TAFA5: variants seen among roughly 807,000 people sequenced by gnomAD.
The protein encoded by TAFA5 is TAFA chemokine like family member 5.
A neutral mutation model predicts 15.3 loss-of-function variants in TAFA5; 6 were observed. The ratio of observed to expected loss-of-function variants is 0.39; its 90% CI spans 0.21 to 0.77. The LOEUF (loss-of-function observed/expected upper bound fraction) is 0.77. Ranked by LOEUF, TAFA5 falls within the 30% of genes least tolerant of loss-of-function variation. The pLI is 0.41. For synonymous variants in TAFA5, 103 were observed against 80.7 expected (o/e 1.28, Z -1.48); for missense variants, 161 against 193.1 (o/e 0.83, Z 0.98).
rs1928071601 is a variant in TAFA5 at position 48,489,716 on chromosome 22, G to C, written c.112+12G>C. The C allele has an allele frequency of 7.0e-7, 1 of 1,435,614 alleles. No homozygotes were observed. The highest frequency in any genetic ancestry group is 2.4e-5 in the Admixed American group (1 of 41,202). 88.9% of individuals were successfully genotyped at this position (1,435,614 alleles called of 1,614,324 possible). On this transcript the variant is annotated intron_variant, in intron 1 of 3. Transcript: ENST00000402357. This position sits in a 1 kb window ranked among gnomAD's most constrained non-coding sequence, Gnocchi z 5.5. ...CATCGCCTACTGCAGTGAGTACCGC[G>C]CGGCCCCGGCCCCGGCACGGCCCTC...
intron 3 of TAFA5, among the ~76,000 whole-genome samples, chr22:48,708,243 G>T (rs964352615): frequency 6.6e-6 from 1 of 152,162 alleles, no homozygotes; most frequent in Non-Finnish European, 1.5e-5. Flanking sequence ...CCCAGGGCAC[G>T]GCGGGGGTTC....
intron 1 of TAFA5, among the ~76,000 whole-genome samples, chr22:48,562,732 C>T (rs111286565): frequency 0.022 from 3,360 of 152,292 alleles, 125 homozygotes; most frequent in African/African-American, 0.076. Context: ...CAGGCCCCCA[C>T]GCCCAGTCTC....
intron 3 of TAFA5, among the ~76,000 whole-genome samples, chr22:48,745,608 C>T (rs574654550): frequency 2.0e-5 from 3 of 152,346 alleles, no homozygotes; most frequent in Non-Finnish European, 2.9e-5. Context: ...TGTATTTTGG[C>T]GTTACAGGAG....
chr22:48,562,365 C>T (rs1923263554), intron 1 of TAFA5, among the ~76,000 whole-genome samples: 2 of 152,218 alleles, frequency 1.3e-5, no homozygotes, highest in African/African-American at 2.4e-5. Flanking sequence ...GTCTCGATCT[C>T]CTGACCTCGC....
chr22:48,688,610 C>G (rs1326047826), intron 2 of TAFA5, among the ~76,000 whole-genome samples: 2 of 152,144 alleles, frequency 1.3e-5, no homozygotes, highest in Non-Finnish European at 2.9e-5. Context: ...CGGCTCCTCC[C>G]TGGGTTCATT....
intron 1 of TAFA5, among the ~76,000 whole-genome samples, chr22:48,602,587 G>A (rs982757916): frequency 5.9e-5 from 9 of 152,184 alleles, no homozygotes; most frequent in African/African-American, 1.4e-4. Context: ...TGGACTCCCC[G>A]TTTTCTGCGA....
intron 2 of TAFA5, among the ~76,000 whole-genome samples, chr22:48,707,286 TCCCCTTTGGTTAC>T (rs1211583961): frequency 6.6e-6 from 1 of 152,120 alleles, no homozygotes; most frequent in Non-Finnish European, 1.5e-5. Context: ...GCCCCCTTGT[TCCCCTTTGGTTAC>T]CTCCCTGTGC....
At chr22:48,573,521 T>C (rs1923656817) in intron 1 of TAFA5, among the ~76,000 whole-genome samples, 1 of 151,768 alleles carries the variant, frequency 6.6e-6, no homozygotes, top group South Asian at 2.1e-4. Flanking sequence ...TCTGCACTGT[T>C]AACTCACTCT....
intron 1 of TAFA5, chr22:48,576,338 C>G (rs1923798698): frequency 8.3e-7 from 1 of 1,206,994 alleles, no homozygotes; most frequent in Non-Finnish European, 1.0e-6. Context: ...AGTGGCGCCT[C>G]CAGTCGCGGC....
At chr22:48,637,991 C>T (rs911265758) in intron 1 of TAFA5, among the ~76,000 whole-genome samples, 2 of 152,122 alleles carry the variant, frequency 1.3e-5, no homozygotes, top group African/African-American at 4.8e-5. Context: ...TCCTTCTAAA[C>T]TGACAAGACA....
At chr22:48,745,066 C>T (rs1930287946) in intron 3 of TAFA5, among the ~76,000 whole-genome samples, 1 of 152,204 alleles carries the variant, frequency 6.6e-6, no homozygotes, top group African/African-American at 2.4e-5. Context: ...GGAGTGGGTT[C>T]TGTCTCATCC....
chr22:48,741,228 C>T (rs949599096), intron 3 of TAFA5, among the ~76,000 whole-genome samples: 2 of 152,118 alleles, frequency 1.3e-5, no homozygotes, highest in Non-Finnish European at 2.9e-5. Context: ...TCCCACACTG[C>T]GAAGCCGGAG....
At position 48,614,682 on chromosome 22, in the gene TAFA5, A is replaced by G. The variant is rs572479581; in HGVS notation, c.113-31915A>G. Among the ~76,000 whole-genome samples the G allele has an allele frequency of 1.5e-3, 234 of 152,326 alleles. 1 individual carries two copies. Among genetic ancestry groups the G allele is most frequent in the Non-Finnish European group, 2.7e-3 (186 of 68,030 alleles). On this transcript the variant is annotated intron_variant, in intron 1 of 3. Transcript: ENST00000402357. ...TTTGTAAAAGCTCCTCTGAGATTCC[A>G]TGCGTCCTGGGGCATCTGTGGAAAC...
intron 1 of TAFA5, among the ~76,000 whole-genome samples, chr22:48,534,189 A>G (rs1171492655): frequency 7.2e-6 from 1 of 138,256 alleles, no homozygotes; most frequent in Non-Finnish European, 1.6e-5. Context: ...TGGGTCAAGC[A>G]GGTGGGGAGG....
intron 1 of TAFA5, among the ~76,000 whole-genome samples, chr22:48,562,129 C>T (rs572353684): frequency 3.9e-5 from 6 of 152,064 alleles, no homozygotes; most frequent in Non-Finnish European, 4.4e-5. Flanking sequence ...TTCCCCAGAG[C>T]CTTTCTTTTT....
intron 2 of TAFA5, among the ~76,000 whole-genome samples, chr22:48,681,814 T>TTGACAAATCACAACTTCTGCA (rs1215975061): frequency 6.5e-5 from 8 of 122,458 alleles, no homozygotes; most frequent in South Asian, 2.8e-4. Context: ...TGGGGTGTTG[T>TTGACAAATCACAACTTCTGCA]CCACATGTAG....
At chr22:48,707,040 C>A (rs1929099832) in intron 2 of TAFA5, among the ~76,000 whole-genome samples, 1 of 152,194 alleles carries the variant, frequency 6.6e-6, no homozygotes, top group Admixed American at 6.5e-5. Flanking sequence ...CCCCATCCAC[C>A]TGGCCCTGCC....
At chr22:48,555,261 C>T (rs1017528912) in intron 1 of TAFA5, among the ~76,000 whole-genome samples, 20 of 152,332 alleles carry the variant, frequency 1.3e-4, no homozygotes, top group Admixed American at 6.5e-4. Flanking sequence ...GTGGGCTCAG[C>T]GCTCTTCCTA....
chr22:48,666,918 G>A (rs1382798321), intron 2 of TAFA5, among the ~76,000 whole-genome samples: 2 of 152,134 alleles, frequency 1.3e-5, no homozygotes, highest in African/African-American at 4.8e-5. Context: ...AGTGGTTGGA[G>A]GGAGGAGGAG....
Sources: allele counts gnomAD v4.1 joint callset (sites outside exome capture counted in the v4.1 genomes callset), GRCh38; gene constraint gnomAD v4.1.1; non-coding constraint Gnocchi (gnomAD v3.1); transcripts MANE v1.5; gene names NCBI Gene and HGNC (gene_info 2026-07-23, HGNC 2026-07-21).